TLN2: variants seen among roughly 807,000 people sequenced by gnomAD.
TLN2 encodes the protein talin 2.
A neutral mutation model predicts 294.7 loss-of-function variants in TLN2; 118 were observed. That is an observed-to-expected ratio of 0.40 (90% CI 0.34 to 0.47). The LOEUF (loss-of-function observed/expected upper bound fraction) is 0.47. Ranked by LOEUF, TLN2 falls within the 20% of genes least tolerant of loss-of-function variation. TLN2 has a pLI of 0.84. For synonymous variants in TLN2, 1,431 were observed against 1,304.5 expected, an observed-to-expected ratio of 1.10 and a Z score of -2.09; for missense variants, 3,083 against 3,282.2, an observed-to-expected ratio of 0.94 and a Z score of 1.48.
intron 1 of TLN2, among the ~76,000 whole-genome samples, chr15:62,428,696 T>G (rs2034847956): frequency 6.6e-6 from 1 of 152,190 alleles, no homozygotes; most frequent in South Asian, 2.1e-4. Context: ...TTACCTGTGC[T>G]TATTTCTCTA....
intron 48 of TLN2, 128 bp downstream of exon 48, chr15:62,797,530 T>A: frequency 8.6e-7 from 1 of 1,160,424 alleles, no homozygotes; most frequent in Non-Finnish European, 1.2e-6. Context: ...GTGTGTCTGG[T>A]TTGAGGAACC....
intron 54 of TLN2, among the ~76,000 whole-genome samples, chr15:62,825,859 T>A (rs2068132367): frequency 1.1e-5 from 1 of 90,066 alleles, no homozygotes; most frequent in South Asian, 3.1e-4. Flanking sequence ...ATATTATATA[T>A]ATATATATTT....
At chr15:62,745,508 A>G (rs2061562673) in intron 32 of TLN2, among the ~76,000 whole-genome samples, 2 of 152,130 alleles carry the variant, frequency 1.3e-5, no homozygotes, top group Non-Finnish European at 2.9e-5. Flanking sequence ...TCACCTTTTA[A>G]TATATGTCGT....
chr15:62,519,658 T>C (rs917737290), intron 1 of TLN2, among the ~76,000 whole-genome samples: 3 of 152,184 alleles, frequency 2.0e-5, no homozygotes, highest in African/African-American at 7.2e-5. Context: ...GTGGGTCTTG[T>C]CAGTGGTGTA....
At chr15:62,755,732 C>A (rs1253782046) in intron 37 of TLN2, 39 bp downstream of exon 37, 2 of 1,609,358 alleles carry the variant, frequency 1.2e-6, no homozygotes, top group Non-Finnish European at 8.5e-7. Context: ...AACTCTGTAA[C>A]TCCTGTTCTG....
At chr15:62,730,491 TTTCTC>T (rs1216665313) in intron 28 of TLN2, among the ~76,000 whole-genome samples, 2 of 152,210 alleles carry the variant, frequency 1.3e-5, no homozygotes, top group East Asian at 3.8e-4. Context: ...TTAGGGATCA[TTTCTC>T]TTCTACCTGA....
At chr15:62,486,486 A>G (rs1312839722) in intron 1 of TLN2, among the ~76,000 whole-genome samples, 3 of 145,068 alleles carry the variant, frequency 2.1e-5, no homozygotes, top group Non-Finnish European at 4.5e-5. Flanking sequence ...GCCATTCACA[A>G]CATTGACATT....
At chr15:62,640,580 G>A (rs899604783) in intron 3 of TLN2, among the ~76,000 whole-genome samples, 3 of 152,096 alleles carry the variant, frequency 2.0e-5, no homozygotes, top group African/African-American at 7.2e-5. Flanking sequence ...AGTAATGCCA[G>A]CCTTGCGCCA....
intron 1 of TLN2, among the ~76,000 whole-genome samples, chr15:62,392,257 T>C (rs1042410929): frequency 1.3e-5 from 2 of 152,212 alleles, no homozygotes; most frequent in Non-Finnish European, 2.9e-5. Context: ...CCAGAATTCC[T>C]GTGTCTCATA....
At chr15:62,788,082 G>T (rs992175232) in intron 45 of TLN2, among the ~76,000 whole-genome samples, 3 of 151,068 alleles carry the variant, frequency 2.0e-5, no homozygotes, top group African/African-American at 7.3e-5. Context: ...AGGCCGAGAT[G>T]AGTGGATCAC....
intron 38 of TLN2, 118 bp from the exon 39 acceptor site, chr15:62,762,154 C>CT (rs2062719224): frequency 1.7e-6 from 2 of 1,204,614 alleles, no homozygotes; most frequent in South Asian, 1.4e-5. Flanking sequence ...TCCCTGCCCT[C>CT]TTTGTCTCCT....
chr15:62,409,458 G>C (rs1232020526), intron 1 of TLN2, among the ~76,000 whole-genome samples: 1 of 152,294 alleles, frequency 6.6e-6, no homozygotes, highest in East Asian at 1.9e-4. Context: ...TTCTGCAACA[G>C]AGATGTAATC....
Position 62,588,665 on chromosome 15 carries a change from CATATATATATATATATATATATATAT to C in TLN2, c.-237-1005_-237-980del, listed in dbSNP as rs3055752. Among the ~76,000 whole-genome samples the C allele has an allele frequency of 5.6e-4, 40 of 71,444 alleles. 1 individual carries two copies. Among genetic ancestry groups the C allele is most frequent in the South Asian group, 1.7e-3 (3 of 1,726 alleles). The allele number at this position is 71,444 out of a possible 152,430, so 46.9% of individuals were successfully genotyped here. A position where few individuals can be genotyped will look rare whatever the true frequency, so the allele number is the denominator to read the frequency against. ...AATACATATATATATACATTTTTTT[CATATATATATATATATATATATATAT>C]ATATATATATATATATGAAATATAC... On this transcript the variant is annotated intron_variant, in intron 1 of 58. Transcript: ENST00000636159.
At chr15:62,726,988 G>A in intron 27 of TLN2, 99 bp from the exon 28 acceptor site, 1 of 1,241,028 alleles carries the variant, frequency 8.1e-7, no homozygotes, top group Non-Finnish European at 1.1e-6. Context: ...AAGAGCTAGG[G>A]CTCAAAGTTT....
intron 47 of TLN2, 114 bp downstream of exon 47, chr15:62,796,407 A>G (rs898021474): frequency 8.1e-7 from 1 of 1,229,722 alleles, no homozygotes; most frequent in Non-Finnish European, 1.1e-6. Context: ...TTTGATTTCA[A>G]CAAGATGCAC....
At chr15:62,663,523 A>T (rs2054154442) in intron 9 of TLN2, among the ~76,000 whole-genome samples, 1 of 151,918 alleles carries the variant, frequency 6.6e-6, no homozygotes, top group Admixed American at 6.5e-5. Flanking sequence ...CTACATAGAT[A>T]ATCAGTCAGT....
intron 50 of TLN2, 120 bp downstream of exon 50, chr15:62,800,889 C>T (rs2065887620): frequency 1.4e-6 from 1 of 717,190 alleles, no homozygotes; most frequent in South Asian, 1.9e-5. Flanking sequence ...TGAGAATGCC[C>T]CTTCACCTGC....
At chr15:62,803,707 T>G (rs1282759149) in intron 50 of TLN2, among the ~76,000 whole-genome samples, 1 of 152,246 alleles carries the variant, frequency 6.6e-6, no homozygotes, top group Admixed American at 6.5e-5. Context: ...TCTGATTCCC[T>G]CTTTGTGTTA....
At chr15:62,423,636 A>G (rs1029439416) in intron 1 of TLN2, among the ~76,000 whole-genome samples, 5 of 151,626 alleles carry the variant, frequency 3.3e-5, no homozygotes, top group Non-Finnish European at 7.4e-5. Flanking sequence ...GCTGGAGTGC[A>G]GTGGCATGAT....
Sources: gnomAD v4.1 joint callset for allele counts (sites outside exome capture counted in the v4.1 genomes callset) on GRCh38, gnomAD v4.1.1 for gene constraint, MANE v1.5 for transcripts, NCBI Gene and HGNC (gene_info 2026-07-23, HGNC 2026-07-21) for gene names.